RANBP2: variants seen among roughly 807,000 people sequenced by gnomAD.
RANBP2 encodes the protein E3 SUMO-protein ligase RanBP2.
A neutral mutation model predicts 303.6 loss-of-function variants in RANBP2; 57 were observed. The observed-to-expected ratio is 0.19, with a 90% CI of 0.15 to 0.23. RANBP2 has a LOEUF of 0.23. Among genes scored for constraint, RANBP2 ranks in the 10% least tolerant of loss-of-function variants. RANBP2 has a pLI of 1.00. For missense variants in RANBP2, 3,138 were observed against 3,780.8 expected (o/e 0.83, Z 4.46); for synonymous variants, 1,167 against 1,301.5 (o/e 0.90, Z 2.23).
chr2:109,256,243 G>T, the RANBP2 span, among the ~76,000 whole-genome samples: 1 of 152,188 alleles, frequency 6.6e-6, no homozygotes, highest in African/African-American at 2.4e-5. Context: ...AGCCTGCCAT[G>T]GACAGGTCGC....
the RANBP2 span, among the ~76,000 whole-genome samples, chr2:109,580,372 G>A: frequency 6.9e-6 from 1 of 145,478 alleles, no homozygotes. Context: ...AAAATCTGGT[G>A]AAAGCATATA....
the RANBP2 span, chr2:108,895,781 A>C: frequency 6.6e-6 from 1 of 152,254 alleles, no homozygotes; most frequent in African/African-American, 2.4e-5. Context: ...CTCGACATCA[A>C]GCCCAGGCTC....
the RANBP2 span, chr2:109,501,705 G>C: frequency 1.4e-6 from 1 of 728,008 alleles, no homozygotes; most frequent in East Asian, 2.6e-5. Context: ...CTCACAGAGG[G>C]GGAGGCCGCC....
chr2:109,433,670 G>T, the RANBP2 span, among the ~76,000 whole-genome samples: 1 of 152,236 alleles, frequency 6.6e-6, no homozygotes, highest in South Asian at 2.1e-4. Flanking sequence ...GACACATGCG[G>T]TGTTGACTTG....
chr2:108,763,072 A>G (rs966259401), intron 19 of RANBP2, among the ~76,000 whole-genome samples, 165 bp from the exon 20 acceptor site: 2 of 152,132 alleles, frequency 1.3e-5, no homozygotes, highest in African/African-American at 4.8e-5. Context: ...TCACACAGAA[A>G]ATTTGCAGCC....
At chr2:109,614,627 G>A in the RANBP2 span, 2 of 1,463,506 alleles carry the variant, frequency 1.4e-6, no homozygotes, top group Admixed American at 2.4e-5. Context: ...GCGGCGAACC[G>A]GAGCAGCGCG....
chr2:109,114,467 T>G, the RANBP2 span, among the ~76,000 whole-genome samples: 1 of 152,178 alleles, frequency 6.6e-6, no homozygotes, highest in African/African-American at 2.4e-5. Flanking sequence ...TTCTGTGGGA[T>G]CGGTGGTGAT....
At chr2:109,541,906 C>T in the RANBP2 span, among the ~76,000 whole-genome samples, 1 of 152,138 alleles carries the variant, frequency 6.6e-6, no homozygotes, top group Non-Finnish European at 1.5e-5. Flanking sequence ...ATTTCCTGGC[C>T]CAATAGGAAC....
chr2:109,667,780 T>A, the RANBP2 span: 2 of 180,472 alleles, frequency 1.1e-5, no homozygotes, highest in East Asian at 1.5e-4. Context: ...CCCTGTCAGA[T>A]CCTTGCACTG....
chr2:109,700,756 C>T, the RANBP2 span, among the ~76,000 whole-genome samples: 157 of 151,964 alleles, frequency 1.0e-3, no homozygotes, highest in Admixed American at 2.1e-3. Flanking sequence ...TTGTGGAGCT[C>T]GTGCAAACAC....
chr2:108,997,792 G>A, the RANBP2 span, among the ~76,000 whole-genome samples: 11 of 152,110 alleles, frequency 7.2e-5, no homozygotes, highest in African/African-American at 2.4e-4. Flanking sequence ...TTGGGAGGCT[G>A]AGGCAGGAGA....
the RANBP2 span, among the ~76,000 whole-genome samples, chr2:109,255,172 T>TTG: frequency 6.6e-6 from 1 of 152,122 alleles, no homozygotes; most frequent in East Asian, 1.9e-4. Flanking sequence ...AACTCTTGCT[T>TTG]TGTGTGTGTG....
At chr2:108,981,932 C>T in the RANBP2 span, among the ~76,000 whole-genome samples, 1,075 of 152,342 alleles carry the variant, frequency 7.1e-3, 6 homozygotes, top group Middle Eastern at 0.017. Flanking sequence ...TGGGTTTCTT[C>T]AACATTTATT....
the RANBP2 span, chr2:108,894,349 A>G: frequency 2.6e-5 from 4 of 152,542 alleles, no homozygotes; most frequent in African/African-American, 9.7e-5. Context: ...GCTGGTTGCA[A>G]TCCTACAGTC....
chr2:108,754,016 T>C, intron 15 of RANBP2, 45 bp downstream of exon 15: 2 of 1,611,464 alleles, frequency 1.2e-6, no homozygotes, highest in Non-Finnish European at 1.7e-6. Flanking sequence ...GATAACCCAC[T>C]GGTCAATGTT....
the RANBP2 span, among the ~76,000 whole-genome samples, chr2:109,454,209 A>G: frequency 2.2e-3 from 330 of 152,288 alleles, 2 homozygotes; most frequent in African/African-American, 7.8e-3. Flanking sequence ...AACAATTACA[A>G]TCCTCATTTC....
At chr2:109,629,717 A>G in the RANBP2 span, among the ~76,000 whole-genome samples, 1 of 151,978 alleles carries the variant, frequency 6.6e-6, no homozygotes, top group Admixed American at 6.6e-5. Flanking sequence ...AGGCTGAGGC[A>G]GAAGAATCGC....
the RANBP2 span, among the ~76,000 whole-genome samples, chr2:109,082,365 A>G: frequency 1.3e-5 from 2 of 151,818 alleles, no homozygotes; most frequent in Non-Finnish European, 2.9e-5. Flanking sequence ...CAGTGGTGCT[A>G]TCTTGGCTCA....
At chr2:109,744,665 A>C in the RANBP2 span, among the ~76,000 whole-genome samples, 1 of 91,966 alleles carries the variant, frequency 1.1e-5, no homozygotes, top group African/African-American at 2.9e-5. Context: ...TAATTGTATG[A>C]AAAGATGCTC....
Sources: allele counts gnomAD v4.1 joint callset (sites outside exome capture counted in the v4.1 genomes callset), GRCh38; gene constraint gnomAD v4.1.1; transcripts MANE v1.5; gene names NCBI Gene and HGNC (gene_info 2026-07-23, HGNC 2026-07-21).